PHKA1: variants seen among roughly 807,000 people sequenced by gnomAD.
The protein encoded by PHKA1 is phosphorylase b kinase regulatory subunit alpha, skeletal muscle isoform.
In PHKA1, 60 loss-of-function variants were observed where a neutral mutation model predicts 110.2. The observed-to-expected ratio is 0.54, with a 90% confidence interval of 0.44 to 0.68. PHKA1 has a LOEUF of 0.68. PHKA1 is among the 30% of genes least tolerant of loss of function. The probability of loss-of-function intolerance (pLI) is 0.00; values close to 1 mark genes in which losing one functional copy is unlikely to be tolerated. For synonymous variants in PHKA1, 316 were observed against 333.6 expected, an observed-to-expected ratio of 0.95 and a Z score of 0.58; for missense variants, 801 against 942.5, an observed-to-expected ratio of 0.85 and a Z score of 1.97.
chrX:72,596,274 G>A (rs2052588263), intron 28 of PHKA1, among the ~76,000 whole-genome samples: 1 of 111,456 alleles, frequency 9.0e-6, no homozygotes, highest in South Asian at 3.8e-4. Flanking sequence ...GAGTAGAACG[G>A]TAGTTGTCAG....
At chrX:72,664,276 T>C (rs190304382) in intron 8 of PHKA1, among the ~76,000 whole-genome samples, 88 of 110,096 alleles carry the variant, frequency 8.0e-4, no homozygotes, top group East Asian at 1.7e-3. Flanking sequence ...CAAGCAGGAG[T>C]AGCTATACTT....
chrX:72,626,119 A>T (rs2147717038), intron 17 of PHKA1, among the ~76,000 whole-genome samples: 1 of 108,864 alleles, frequency 9.2e-6, no homozygotes, highest in Non-Finnish European at 1.9e-5. Flanking sequence ...TGTAGTATGT[A>T]CGTGTGTGTG....
intron 5 of PHKA1, among the ~76,000 whole-genome samples, chrX:72,680,308 C>G (rs1556313675): frequency 8.9e-6 from 1 of 112,159 alleles, no homozygotes; most frequent in Non-Finnish European, 1.9e-5. Flanking sequence ...GCCACCATGC[C>G]CAGCCATAAA....
At chrX:72,654,129 T>G (rs2053462811) in intron 10 of PHKA1, among the ~76,000 whole-genome samples, 2 of 111,760 alleles carry the variant, frequency 1.8e-5, no homozygotes, top group African/African-American at 6.5e-5. Flanking sequence ...ATGCTTCTGA[T>G]ATATTAGGGA....
intron 3 of PHKA1, among the ~76,000 whole-genome samples, chrX:72,696,558 G>A (rs1433864386): frequency 9.0e-6 from 1 of 111,427 alleles, no homozygotes; most frequent in Non-Finnish European, 1.9e-5. Flanking sequence ...CCTGTGACCT[G>A]GAAGCCCCCA....
chrX:72,664,126 C>T (rs2053592507), intron 8 of PHKA1, among the ~76,000 whole-genome samples: 1 of 110,803 alleles, frequency 9.0e-6, no homozygotes, highest in Admixed American at 9.6e-5. Flanking sequence ...GATTAAATTT[C>T]TCAATTTAGA....
At chrX:72,581,217 A>G in intron 31 of PHKA1, 42 bp from the exon 32 acceptor site, 1 of 880,025 alleles carries the variant, frequency 1.1e-6, no homozygotes, top group South Asian at 2.0e-5. Context: ...GGGAAAGGAA[A>G]AATTACCAAT....
rs377486052 is a variant in PHKA1, at chrX:72,594,683, G to T, written c.3073-1409C>A. Reference sequence around the variant, plus strand: ...TTGGCTCGTGGTGCATGGGCATATGGCTTGTGCCTGTATTCCCAGCTACTC... The same window carrying T: ...TTGGCTCGTGGTGCATGGGCATATGTCTTGTGCCTGTATTCCCAGCTACTC... On this transcript the variant is annotated intron_variant, in intron 28 of 31. Transcript: ENST00000373542. 2.7e-5 allele frequency among the ~76,000 whole-genome samples: 3 copies of T among 112,598 alleles called. No homozygotes were observed. In the East Asian group the frequency reaches 8.4e-4, roughly 31 times the overall value.
intron 14 of PHKA1, among the ~76,000 whole-genome samples, chrX:72,641,913 T>C (rs1270995655): frequency 8.9e-6 from 1 of 111,935 alleles, no homozygotes; most frequent in Non-Finnish European, 1.9e-5. Context: ...GTGTTTTATA[T>C]GTAACACCGT....
At chrX:72,588,263 G>A (rs1438848293) in intron 29 of PHKA1, among the ~76,000 whole-genome samples, 4 of 112,124 alleles carry the variant, frequency 3.6e-5, no homozygotes, top group Non-Finnish European at 7.5e-5. Flanking sequence ...TTAGAACTCA[G>A]GATTAATAAA....
intron 7 of PHKA1, 125 bp from the exon 8 acceptor site, chrX:72,666,422 A>G: frequency 1.7e-6 from 1 of 591,195 alleles, no homozygotes. Flanking sequence ...AACATTCTTT[A>G]TCTATTTTAA....
At chrX:72,625,675 T>C (rs1413400572) in intron 17 of PHKA1, among the ~76,000 whole-genome samples, 1 of 111,678 alleles carries the variant, frequency 9.0e-6, no homozygotes, top group Non-Finnish European at 1.9e-5. Flanking sequence ...TTAAGTTGTT[T>C]GAGAAATCTC....
intron 29 of PHKA1, among the ~76,000 whole-genome samples, chrX:72,587,170 G>A (rs1253287438): frequency 9.0e-6 from 1 of 110,887 alleles, no homozygotes; most frequent in African/African-American, 3.3e-5. Context: ...AAAATATTAA[G>A]GGCAGCCAGA....
intron 3 of PHKA1, 137 bp from the exon 4 acceptor site, chrX:72,696,013 T>A (rs1267583631): frequency 1.5e-5 from 8 of 548,012 alleles, no homozygotes; most frequent in Middle Eastern, 5.1e-4. Flanking sequence ...TTTAAAATAC[T>A]CGTTACCTGT....
chrX:72,620,321 T>C (rs2052957712), intron 19 of PHKA1, among the ~76,000 whole-genome samples: 1 of 111,923 alleles, frequency 8.9e-6, no homozygotes, highest in Admixed American at 9.4e-5. Flanking sequence ...GGGAGAAGAA[T>C]GGCAAAGTTG....
chrX:72,640,819 T>C (rs2053287608), intron 14 of PHKA1, among the ~76,000 whole-genome samples: 1 of 111,642 alleles, frequency 9.0e-6, no homozygotes. Context: ...GACTGAAAAA[T>C]ATATCTGATA....
chrX:72,648,935 G>C (rs1159705745), intron 13 of PHKA1, among the ~76,000 whole-genome samples: 1 of 111,634 alleles, frequency 9.0e-6, no homozygotes, highest in Non-Finnish European at 1.9e-5. Context: ...TGAGACTGAA[G>C]TGTTAGACTG....
At chrX:72,619,439 G>A in intron 19 of PHKA1, 134 bp from the exon 20 acceptor site, 3 of 448,250 alleles carry the variant, frequency 6.7e-6, no homozygotes, top group Admixed American at 3.6e-5. Flanking sequence ...CTCCTTTCTT[G>A]GTAATATCAA....
In PHKA1 at chrX:72,695,842, C is replaced by T. The variant is rs1229234782; in HGVS notation, c.320G>A (p.Ser107Asn). Residue 107 changes from serine to asparagine, a missense_variant, in exon 4 of 32, where the codon AGT becomes AAT. Ser to Asn is a conservative substitution (Grantham distance 46, BLOSUM62 1). Coordinates refer to ENST00000373542, the MANE Select transcript of PHKA1 (RefSeq NM_002637.4). ...CTTTGCATGGAGGCTATCCTTAGTA[C>T]TCTGACTATATTTGAAGGATTCTAC... Reference protein sequence around the residue: ...DKVESFKYSQSTKDSLHAKYN... With the variant: ...DKVESFKYSQNTKDSLHAKYN... The T allele has an allele frequency of 8.3e-7, 1 of 1,204,795 alleles. No homozygotes were observed. The highest frequency in any genetic ancestry group is 1.8e-5 in the African/African-American group (1 of 56,884).
Sources: gnomAD v4.1 joint callset for allele counts (sites outside exome capture counted in the v4.1 genomes callset) on GRCh38, gnomAD v4.1.1 for gene constraint, MANE v1.5 for transcripts, NCBI Gene and HGNC (gene_info 2026-07-23, HGNC 2026-07-21) for gene names.